Variants in PRRT1B observed in about 807,000 individuals in gnomAD.
PRRT1B encodes proline rich transmembrane protein 1B.
Position 131,558,030 on chromosome 9 carries a change from C to G in PRRT1B, c.643-23C>G, listed in dbSNP as rs28731115. The G allele has an allele frequency of 5.5e-5, 22 of 398,892 alleles. No homozygotes were observed. The East Asian group carries it at 7.8e-4, about 14-fold the overall frequency. 24.7% of individuals were successfully genotyped at this position (398,892 alleles called of 1,614,324 possible). ...GGCTCCCTGTTCGCTCCCACCGCCC[C>G]CTCCTGCCCTGTCTCGTTGCAGGCC... On this transcript the variant is annotated intron_variant, in intron 3 of 3. Transcript: ENST00000636672.
At chr9:131,552,696 G>A (rs1169381241) in intron 1 of PRRT1B, among the ~76,000 whole-genome samples, 5 of 149,316 alleles carry the variant, frequency 3.3e-5, no homozygotes, top group South Asian at 4.2e-4. Flanking sequence ...TTTTTGAGAC[G>A]GAGTCTCACT....
chr9:131,550,759 G>A (rs11243422), intron 1 of PRRT1B, among the ~76,000 whole-genome samples: 73,203 of 151,164 alleles, frequency 0.48, 17,946 homozygotes, highest in African/African-American at 0.56. Context: ...GAGGCCCTCA[G>A]AATAACAAAC....
intron 1 of PRRT1B, among the ~76,000 whole-genome samples, chr9:131,547,065 C>CTTTTTTGTTTTTTTTT (rs1950981000): frequency 9.9e-6 from 1 of 100,804 alleles, no homozygotes; most frequent in African/African-American, 4.9e-5. Context: ...CTCCTGTTCG[C>CTTTTTTGTTTTTTTTT]TTTTTTTTTT....
chr9:131,549,567 G>T (rs562832694), intron 1 of PRRT1B, among the ~76,000 whole-genome samples: 1 of 152,186 alleles, frequency 6.6e-6, no homozygotes. Context: ...GACTCACGCT[G>T]CCCGATCGCC....
At chr9:131,553,102 G>A (rs1390690639) in intron 1 of PRRT1B, among the ~76,000 whole-genome samples, 1 of 152,130 alleles carries the variant, frequency 6.6e-6, no homozygotes, top group African/African-American at 2.4e-5. Context: ...CAGCTGGAAA[G>A]ACATGCTTTT....
chr9:131,557,673 G>A (rs1454761372), intron 3 of PRRT1B, among the ~76,000 whole-genome samples: 1 of 152,258 alleles, frequency 6.6e-6, no homozygotes, highest in African/African-American at 2.4e-5. Flanking sequence ...CAACTCAGAG[G>A]TGGGACTTGA....
At chr9:131,546,686 C>G (rs1421199639) in intron 1 of PRRT1B, among the ~76,000 whole-genome samples, 1 of 150,742 alleles carries the variant, frequency 6.6e-6, no homozygotes, top group Admixed American at 6.6e-5. Context: ...GGAGCCCGGA[C>G]CCCCCTTCCC....
intron 1 of PRRT1B, among the ~76,000 whole-genome samples, chr9:131,552,275 G>A (rs1951016987): frequency 6.6e-6 from 1 of 152,234 alleles, no homozygotes; most frequent in Non-Finnish European, 1.5e-5. Flanking sequence ...CCTGTGAGGA[G>A]GCCACAATGT....
At chr9:131,550,933 C>CTTTTTTTTTTTTTTTTT (rs1159996336) in intron 1 of PRRT1B, among the ~76,000 whole-genome samples, 1 of 116,856 alleles carries the variant, frequency 8.6e-6, no homozygotes, top group African/African-American at 3.2e-5. Flanking sequence ...TTTTTCTTTT[C>CTTTTTTTTTTTTTTTTT]TTTTTCTTTT....
intron 1 of PRRT1B, among the ~76,000 whole-genome samples, chr9:131,546,383 A>T (rs1178440324): frequency 6.6e-6 from 1 of 151,678 alleles, no homozygotes; most frequent in African/African-American, 2.4e-5. Flanking sequence ...GACGTCGCCC[A>T]CCCCCAGGCG....
At chr9:131,546,933 G>A (rs1950979399) in intron 1 of PRRT1B, among the ~76,000 whole-genome samples, 1 of 152,108 alleles carries the variant, frequency 6.6e-6, no homozygotes. Context: ...CTGACTCGCT[G>A]AGACCCACGT....
intron 2 of PRRT1B, among the ~76,000 whole-genome samples, chr9:131,555,687 CAAAAATAAAAAT>C (rs919320027): frequency 6.6e-6 from 1 of 151,862 alleles, no homozygotes; most frequent in Non-Finnish European, 1.5e-5. Flanking sequence ...AAAATAAAAA[CAAAAATAAAAAT>C]AAAAATAAAA....
Position 131,551,745 on chromosome 9 carries a change from C to T in PRRT1B, c.26-2812C>T, listed in dbSNP as rs1356069890. On this transcript the variant is annotated intron_variant, in intron 1 of 3. Transcript: ENST00000636672. This position sits in a 1 kb window ranked among gnomAD's most constrained non-coding sequence, Gnocchi z 4.4. ...CCCACTGAGCACCTTGTGACCCCCA[C>T]TCCTGCCCACCAGAGAACAACCCCC... is the stretch of plus-strand genomic sequence containing the variant. Among the ~76,000 whole-genome samples, 1 of 152,034 alleles carries T rather than the reference C, an allele frequency of 6.6e-6. No homozygotes were observed. The highest frequency in any genetic ancestry group is 1.5e-5 in the Non-Finnish European group (1 of 68,026).
chr9:131,555,499 G>A (rs1481597090), intron 2 of PRRT1B, among the ~76,000 whole-genome samples: 1 of 151,984 alleles, frequency 6.6e-6, no homozygotes, highest in African/African-American at 2.4e-5. Context: ...AACATAGTGA[G>A]CCCTCATCTC....
In PRRT1B at chr9:131,555,036, G is replaced by C; in HGVS notation, c.498+7G>C. On this transcript the variant is annotated splice_region_variant and intron_variant, in intron 2 of 3. Transcript: ENST00000636672. ...CGCCTTCCCCTTCCCCGTGGTGAGTGGCCGCCGCCCTGGGCGCGCTCCCCT... is the reference window on the plus strand; with the variant it reads ...CGCCTTCCCCTTCCCCGTGGTGAGTCGCCGCCGCCCTGGGCGCGCTCCCCT... The C allele has an allele frequency of 2.6e-6, 1 of 391,172 alleles. No homozygotes were observed. Among genetic ancestry groups the C allele is most frequent in the Non-Finnish European group, 4.5e-6 (1 of 221,434 alleles). 24.2% of individuals were successfully genotyped at this position (391,172 alleles called of 1,614,324 possible). A position where few individuals can be genotyped will look rare whatever the true frequency, so the allele number is the denominator to read the frequency against.
intron 1 of PRRT1B, among the ~76,000 whole-genome samples, chr9:131,550,548 G>A (rs1951003722): frequency 6.6e-6 from 1 of 152,176 alleles, no homozygotes; most frequent in Non-Finnish European, 1.5e-5. Context: ...TGCTGATCGT[G>A]TGCAGCTAAT....
chr9:131,546,756 G>A (rs1588548355), intron 1 of PRRT1B, among the ~76,000 whole-genome samples: 5 of 152,036 alleles, frequency 3.3e-5, no homozygotes, highest in Non-Finnish European at 7.4e-5. Flanking sequence ...GAACCCACCC[G>A]AGGCCCCCGC....
Position 131,551,111 on chromosome 9 carries a change from T to G in PRRT1B, c.26-3446T>G, listed in dbSNP as rs922802742. 1.3e-5 allele frequency among the ~76,000 whole-genome samples: 2 copies of G among 151,688 alleles called. No individual in the cohort carries two copies. The highest frequency in any genetic ancestry group is 4.8e-5 in the African/African-American group (2 of 41,244). ...GCACCCGCCACCATGCTCCGCTAAT[T>G]TTTTGTATTTTTAGTAGAGACGGGG... On this transcript the variant is annotated intron_variant, in intron 1 of 3. Coordinates refer to ENST00000636672, the Ensembl canonical transcript of PRRT1B. The surrounding 1 kb of genome is among the most constrained non-coding windows in gnomAD (Gnocchi z 4.4).
chr9:131,546,515 C>G (rs1950976139), intron 1 of PRRT1B, among the ~76,000 whole-genome samples: 1 of 151,998 alleles, frequency 6.6e-6, no homozygotes, highest in Non-Finnish European at 1.5e-5. Context: ...TCGCGCACTC[C>G]CCGCCCCCTC....
Sources: gnomAD v4.1 joint callset for allele counts (sites outside exome capture counted in the v4.1 genomes callset) on GRCh38, gnomAD v4.1.1 for gene constraint, Gnocchi (gnomAD v3.1) non-coding constraint, MANE v1.5 for transcripts, NCBI Gene and HGNC (gene_info 2026-07-23, HGNC 2026-07-21) for gene names.